Variants in SVEP1 observed in about 807,000 individuals in gnomAD.
SVEP1 encodes sushi, von Willebrand factor type A, EGF and pentraxin domain-containing protein 1.
SVEP1 carries 164 observed loss-of-function variants against 367.3 expected under a neutral mutation model. The ratio of observed to expected loss-of-function variants is 0.45; its 90% CI spans 0.39 to 0.51. The LOEUF is 0.51. SVEP1 is among the 20% of genes least tolerant of loss of function. The pLI, the probability that SVEP1 is intolerant of heterozygous loss-of-function variation, is 0.00. For synonymous variants in SVEP1, 1,666 were observed against 1,611.6 expected (o/e 1.03, Z -0.81); for missense variants, 4,117 against 4,425.3 (o/e 0.93, Z 1.98).
At chr9:110,396,240 G>C (rs1476960829) in intron 40 of SVEP1, among the ~76,000 whole-genome samples, 5 of 151,984 alleles carry the variant, frequency 3.3e-5, no homozygotes, top group Non-Finnish European at 7.4e-5. Context: ...ACCTGCTCCT[G>C]AATGACTACT....
At chr9:110,542,730 C>T (rs531991809) in intron 3 of SVEP1, among the ~76,000 whole-genome samples, 84 of 147,564 alleles carry the variant, frequency 5.7e-4, no homozygotes, top group African/African-American at 2.0e-3. Flanking sequence ...TGGAGAACAT[C>T]CTCAACATTT....
At chr9:110,399,454 A>G (rs1394517285) in intron 40 of SVEP1, among the ~76,000 whole-genome samples, 2 of 152,264 alleles carry the variant, frequency 1.3e-5, no homozygotes, top group Admixed American at 6.5e-5. Flanking sequence ...AAACCTGCAC[A>G]TTGTGCACAT....
chr9:110,379,960 T>C (rs1018985828), intron 43 of SVEP1, among the ~76,000 whole-genome samples: 4 of 152,234 alleles, frequency 2.6e-5, no homozygotes, highest in Non-Finnish European at 4.4e-5. Context: ...CTAGCATTTA[T>C]TAGTGCCTAG....
intron 40 of SVEP1, 122 bp from the exon 41 acceptor site, chr9:110,389,709 T>C (rs1448820770): frequency 3.9e-6 from 4 of 1,026,078 alleles, no homozygotes; most frequent in Non-Finnish European, 4.2e-6. Flanking sequence ...TAAATAAACA[T>C]GTTAAAAACA....
In SVEP1 at chr9:110,407,065, T is replaced by A. The variant is rs1827966967; in HGVS notation, c.8535A>T (p.Arg2845Ser). The A allele has an allele frequency of 6.2e-7, 1 of 1,613,964 alleles. No homozygotes were observed. The highest frequency in any genetic ancestry group is 8.5e-7 in the Non-Finnish European group (1 of 1,179,880). ...SPPVSANGQVRGDEYTFQKEI... is the reference protein window; with the variant it reads ...SPPVSANGQVSGDEYTFQKEI... ...CTTTTTGGAATGTGTACTCGTCTCC[T>A]CTCACCTGGCCATTGGCTGAGACTG... Residue 2845 changes from arginine to serine, a missense_variant, in exon 38 of 48, where the codon AGA (arginine) becomes AGT (serine). By Grantham distance (110) the Arg-to-Ser change is moderately radical (BLOSUM62 -1). Transcript: ENST00000374469.
At position 110,450,276 on chromosome 9, in the gene SVEP1, G is replaced by A. The variant is rs201747512; in HGVS notation, c.3902-16C>T. 7.1e-5 allele frequency: 114 copies of A among 1,613,014 alleles called. No individual in the cohort carries two copies. In the African/African-American group the frequency reaches 1.1e-3, roughly 16 times the overall value. ...CAATGCAGGCCTGAGGATGGAGAAGGAAGAGAAACAGCCCAAATGATTAAC... is the reference window on the plus strand; with the variant it reads ...CAATGCAGGCCTGAGGATGGAGAAGAAAGAGAAACAGCCCAAATGATTAAC... On this transcript the variant is annotated splice_polypyrimidine_tract_variant and intron_variant, in intron 23 of 47. Transcript: ENST00000374469.
At position 110,406,256 on chromosome 9, in the gene SVEP1, G is replaced by A. The variant is rs544386654; in HGVS notation, c.9344C>T (p.Pro3115Leu). ...TEKGVWSQPYPVCEPLSCGSP... is the reference protein window; with the variant it reads ...TEKGVWSQPYLVCEPLSCGSP... Reference sequence around the variant, plus strand: ...CCCACAGGACAAGGGCTCACAGACTGGATAAGGCTGGCTCCATACCCCTTT... The same window carrying A: ...CCCACAGGACAAGGGCTCACAGACTAGATAAGGCTGGCTCCATACCCCTTT... The change falls in exon 38 of 48, where the codon CCA (proline) becomes CTA (leucine). Residue 3115 changes from proline to leucine, a missense_variant. Transcript: ENST00000374469. 7.4e-6 allele frequency: 12 copies of A among 1,613,872 alleles called. No individual in the cohort carries two copies. In the East Asian group the frequency reaches 2.7e-4, roughly 36 times the overall value.
rs551826968 is a variant in SVEP1, at chr9:110,403,603, C to T, written c.9666+724G>A. ...CAGGCGTGAGCCACCGTGCCCGGCC[C>T]GATTCCCATTTTCAAACTAAAAGTG... On this transcript the variant is annotated intron_variant, in intron 39 of 47. Transcript: ENST00000374469. 3.3e-4 allele frequency among the ~76,000 whole-genome samples: 50 copies of T among 151,492 alleles called. 1 individual carries two copies. In the South Asian group the frequency reaches 9.4e-3, roughly 28 times the overall value.
Position 110,443,551 on chromosome 9 carries a change from T to C in SVEP1, c.4633A>G (p.Ile1545Val). ...TCATTTTGTTAAAACATACCAGGTATGGGCAAACCAACAGAGAGGCCAGCA... is the reference window on the plus strand; with the variant it reads ...TCATTTTGTTAAAACATACCAGGTACGGGCAAACCAACAGAGAGGCCAGCA... ...GGAGLSVGLP[I>V]PGGGALVLGQ... is the part of the protein sequence containing the mutation. Residue 1545 changes from isoleucine (I) to valine (V), a missense_variant, in exon 27 of 48, where the codon ATA becomes GTA. Coordinates refer to ENST00000374469, the MANE Select transcript of SVEP1 (RefSeq NM_153366.4). 1 of 1,605,730 alleles carries C rather than the reference T, an allele frequency of 6.2e-7. No homozygotes were observed. The highest frequency in any genetic ancestry group is 8.5e-7 in the Non-Finnish European group (1 of 1,176,132).
chr9:110,373,528 A>G (rs1222971167), intron 46 of SVEP1, among the ~76,000 whole-genome samples: 4 of 152,050 alleles, frequency 2.6e-5, no homozygotes, highest in Non-Finnish European at 5.9e-5. Context: ...TTTACATGCC[A>G]TTTATGTTTT....
At chr9:110,457,654 T>C (rs1332808598) in intron 20 of SVEP1, among the ~76,000 whole-genome samples, 1 of 152,222 alleles carries the variant, frequency 6.6e-6, no homozygotes, top group African/African-American at 2.4e-5. Context: ...TCAACCCAGA[T>C]TAGCTAAATC....
intron 27 of SVEP1, among the ~76,000 whole-genome samples, chr9:110,439,165 T>C (rs1054019258): frequency 6.6e-6 from 1 of 152,052 alleles, no homozygotes; most frequent in African/African-American, 2.4e-5. Flanking sequence ...TGGGAGGTGA[T>C]TGGATTTAGA....
intron 43 of SVEP1, among the ~76,000 whole-genome samples, chr9:110,381,756 C>G (rs1827440990): frequency 6.6e-6 from 1 of 152,154 alleles, no homozygotes; most frequent in South Asian, 2.1e-4. Context: ...TGTTAATTTT[C>G]TGTCTCGATG....
intron 39 of SVEP1, among the ~76,000 whole-genome samples, 158 bp from the exon 40 acceptor site, chr9:110,401,167 T>TA: frequency 6.6e-6 from 1 of 152,284 alleles, no homozygotes; most frequent in Non-Finnish European, 1.5e-5. Context: ...TATGTGGGCT[T>TA]AAAAAACACA....
Position 110,408,313 on chromosome 9 carries a change from G to C in SVEP1, c.7287C>G (p.Ser2429Arg), listed in dbSNP as rs1004184975. 3.7e-6 allele frequency: 6 copies of C among 1,613,920 alleles called. No individual in the cohort carries two copies. Among genetic ancestry groups the C allele is most frequent in the Non-Finnish European group, 8.5e-7 (1 of 1,179,874 alleles). ...CTGGAACACATTCTGGCAGTGGAGA[G>C]CTCCAGGTGCCATCAGGTTGGCAGA... is the stretch of plus-strand genomic sequence containing the variant. ...TTLCQPDGTW[S>R]SPLPECVPVE... The change falls in exon 38 of 48, where the codon AGC (serine) becomes AGG (arginine). Residue 2429 changes from serine (S) to arginine (R), a missense_variant. Around this residue, in one of 4 missense-constraint regions of SVEP1, gnomAD observed 1,765 missense variants for 1,781.1 expected, o/e 0.99. Transcript: ENST00000374469.
chr9:110,415,464 A>C (rs1430998002), intron 36 of SVEP1, among the ~76,000 whole-genome samples: 1 of 152,040 alleles, frequency 6.6e-6, no homozygotes, highest in Non-Finnish European at 1.5e-5. Context: ...GGACTGGAGA[A>C]GGAAATAAAC....
chr9:110,535,425 T>C (rs969538845), intron 3 of SVEP1, among the ~76,000 whole-genome samples: 4 of 152,146 alleles, frequency 2.6e-5, no homozygotes, highest in African/African-American at 7.2e-5. Flanking sequence ...TGTAGGCCCA[T>C]AGTATAGTTT....
chr9:110,579,461 C>A lies in SVEP1; in HGVS notation c.83G>T (p.Arg28Leu). The A allele has an allele frequency of 1.2e-6, 2 of 1,601,108 alleles. No individual in the cohort carries two copies. Among genetic ancestry groups the A allele is most frequent in the Non-Finnish European group, 1.7e-6 (2 of 1,174,880 alleles). The change falls in exon 1 of 48, where the codon CGC becomes CTC. Residue 28 changes from arginine (R) to leucine (L), a missense_variant. Arg to Leu is a moderately radical substitution (Grantham distance 102). Coordinates refer to ENST00000374469, the MANE Select transcript of SVEP1 (RefSeq NM_153366.4). The surrounding 1 kb of genome is among the most constrained non-coding windows in gnomAD (Gnocchi z 5.3). ...WATFQQMSPS[R>L]NFSFRLFPET... ...GGGGAAGAGGCGGAAGCTGAAATTG[C>A]GCGACGGGGACATCTGCTGAAAGGT...
chr9:110,406,625 T>A lies in SVEP1; in HGVS notation c.8975A>T (p.Asn2992Ile), dbSNP rs202217766. The A allele has an allele frequency of 6.9e-5, 111 of 1,613,950 alleles. No individual in the cohort carries two copies. Among genetic ancestry groups the A allele is most frequent in the Middle Eastern group, 1.6e-4 (1 of 6,062 alleles). ...AGGTGAGCTGCCACTCCAGGAGCCA[T>A]TGGAGAGGCACCTTCTTGATGAATT... The part of the protein sequence containing the change: ...HGNSSRRCLS[N>I]GSWSGSSPSC... The change falls in exon 38 of 48, where the codon AAT becomes ATT. Residue 2992 changes from asparagine to isoleucine, a missense_variant. By Grantham distance (149) the Asn-to-Ile change is moderately radical. Around this residue, in one of 4 missense-constraint regions of SVEP1, gnomAD observed 1,765 missense variants for 1,781.1 expected, o/e 0.99. Transcript: ENST00000374469.
Sources: gnomAD v4.1 joint callset for allele counts (sites outside exome capture counted in the v4.1 genomes callset) on GRCh38, gnomAD v4.1.1 for gene constraint, gnomAD v4.1.1 regional missense constraint, Gnocchi (gnomAD v3.1) non-coding constraint, MANE v1.5 for transcripts, NCBI Gene and HGNC (gene_info 2026-07-23, HGNC 2026-07-21) for gene names.